The following STARD13 variants were observed in gnomAD, a reference collection of about 807,000 sequenced individuals.
The protein encoded by STARD13 is stAR-related lipid transfer protein 13.
A neutral mutation model predicts 106.4 loss-of-function variants in STARD13; 62 were observed. That is an observed-to-expected ratio of 0.58 (90% CI 0.48 to 0.72). The LOEUF is 0.72. Among genes scored for constraint, STARD13 ranks in the 30% least tolerant of loss-of-function variants. The probability of loss-of-function intolerance (pLI) is 0.00; values close to 1 mark genes in which losing one functional copy is unlikely to be tolerated. For synonymous variants in STARD13, 565 were observed against 553.0 expected (o/e 1.02, Z -0.31); for missense variants, 1,387 against 1,424.0 (o/e 0.97, Z 0.42).
chr13:33,319,620 G>T (rs1306738599), intron 1 of STARD13, among the ~76,000 whole-genome samples: 9 of 152,240 alleles, frequency 5.9e-5, no homozygotes, highest in Non-Finnish European at 1.0e-4. Flanking sequence ...TTACACAGTG[G>T]AATGGGACAA....
upstream of STARD13, among the ~76,000 whole-genome samples, chr13:33,289,921 T>A (rs893205252): frequency 6.6e-6 from 1 of 151,296 alleles, no homozygotes; most frequent in Non-Finnish European, 1.5e-5. Flanking sequence ...GGTAGTTTAT[T>A]CTCTGCATTC....
At chr13:33,648,264 C>A in the STARD13 span, among the ~76,000 whole-genome samples, 5 of 152,184 alleles carry the variant, frequency 3.3e-5, no homozygotes, top group African/African-American at 1.2e-4. Context: ...AACTGAGTCT[C>A]AGAGAAATTA....
At chr13:33,306,919 C>T (rs1342486365) in intron 1 of STARD13, among the ~76,000 whole-genome samples, 1 of 151,462 alleles carries the variant, frequency 6.6e-6, no homozygotes, top group African/African-American at 2.4e-5. Context: ...CACTGCACTC[C>T]AGCCTGTGCG....
intron 1 of STARD13, among the ~76,000 whole-genome samples, chr13:33,249,708 G>A (rs1044495848): frequency 4.6e-5 from 7 of 152,170 alleles, no homozygotes; most frequent in African/African-American, 1.7e-4. Context: ...TCCAATGACA[G>A]TATCCTTTCC....
the STARD13 span, among the ~76,000 whole-genome samples, chr13:33,546,698 C>T: frequency 1.3e-5 from 2 of 151,508 alleles, no homozygotes; most frequent in South Asian, 2.1e-4. Flanking sequence ...GGCTGCAGTG[C>T]GGTGGCTCAG....
At chr13:33,359,122 G>A in the STARD13 span, among the ~76,000 whole-genome samples, 3 of 150,458 alleles carry the variant, frequency 2.0e-5, no homozygotes, top group Admixed American at 1.3e-4. Context: ...ACCCGCTCAG[G>A]TTGCCTTCCA....
chr13:33,380,011 T>TAAG, the STARD13 span, among the ~76,000 whole-genome samples: 2 of 151,624 alleles, frequency 1.3e-5, no homozygotes, highest in Non-Finnish European at 2.9e-5. Context: ...TTTAATACTC[T>TAAG]TGCGATAAAA....
the STARD13 span, among the ~76,000 whole-genome samples, chr13:33,620,551 G>C: frequency 6.6e-6 from 1 of 151,958 alleles, no homozygotes; most frequent in Non-Finnish European, 1.5e-5. Flanking sequence ...TGAAAGTGCT[G>C]AGATTACAGG....
intron 1 of STARD13, among the ~76,000 whole-genome samples, chr13:33,195,928 T>C (rs1332201133): frequency 6.6e-6 from 1 of 152,122 alleles, no homozygotes. Context: ...GGTTGGCAGA[T>C]GGGACACACA....
At chr13:33,405,705 A>G in the STARD13 span, among the ~76,000 whole-genome samples, 2 of 152,258 alleles carry the variant, frequency 1.3e-5, no homozygotes, top group African/African-American at 4.8e-5. Flanking sequence ...AATGATATAT[A>G]CAAAGATATG....
the STARD13 span, among the ~76,000 whole-genome samples, chr13:33,600,249 G>A: frequency 6.6e-6 from 1 of 152,138 alleles, no homozygotes. Flanking sequence ...CTGATAAAGT[G>A]ATCAAACAGA....
chr13:33,372,325 C>A, the STARD13 span, among the ~76,000 whole-genome samples: 1 of 152,108 alleles, frequency 6.6e-6, no homozygotes, highest in South Asian at 2.1e-4. Context: ...CATGAATGCA[C>A]CATTATTAGC....
chr13:33,558,703 A>G, the STARD13 span, among the ~76,000 whole-genome samples: 1 of 147,172 alleles, frequency 6.8e-6, no homozygotes, highest in Non-Finnish European at 1.5e-5. Flanking sequence ...ACTTTCTGTT[A>G]TGCTATCCTA....
chr13:33,597,716 A>C, the STARD13 span, among the ~76,000 whole-genome samples: 1 of 151,598 alleles, frequency 6.6e-6, no homozygotes, highest in Non-Finnish European at 1.5e-5. Flanking sequence ...TTAGCCGGGC[A>C]TGGGGCACAT....
chr13:33,244,640 G>A (rs1889731688), intron 1 of STARD13, among the ~76,000 whole-genome samples: 1 of 152,062 alleles, frequency 6.6e-6, no homozygotes, highest in African/African-American at 2.4e-5. Context: ...TTACCCTCTT[G>A]GAACTCTGAG....
chr13:33,198,357 T>A (rs1886787506), intron 1 of STARD13, among the ~76,000 whole-genome samples: 1 of 152,078 alleles, frequency 6.6e-6, no homozygotes, highest in South Asian at 2.1e-4. Flanking sequence ...CTTGTGAGCA[T>A]CCCAGGCTCA....
chr13:33,623,270 C>T, the STARD13 span, among the ~76,000 whole-genome samples: 2 of 151,662 alleles, frequency 1.3e-5, no homozygotes, highest in East Asian at 3.9e-4. Context: ...ATAACATGCA[C>T]AAACATTATT....
At chr13:33,553,212 A>T in the STARD13 span, among the ~76,000 whole-genome samples, 2 of 152,110 alleles carry the variant, frequency 1.3e-5, no homozygotes, top group Non-Finnish European at 2.9e-5. Context: ...TGAGGCAAAT[A>T]TGAATTCCAG....
the STARD13 span, among the ~76,000 whole-genome samples, chr13:33,543,090 C>T: frequency 2.0e-5 from 3 of 152,292 alleles, no homozygotes; most frequent in East Asian, 1.9e-4. Flanking sequence ...GAAACGGCGT[C>T]CTTTTATTTT....
Sources: gnomAD v4.1 joint callset for allele counts (sites outside exome capture counted in the v4.1 genomes callset) on GRCh38, gnomAD v4.1.1 for gene constraint, MANE v1.5 for transcripts, NCBI Gene and HGNC (gene_info 2026-07-23, HGNC 2026-07-21) for gene names.